The following MECOM variants were observed in gnomAD, a reference collection of about 807,000 sequenced individuals.
MECOM encodes histone-lysine N-methyltransferase MECOM.
MECOM carries 13 observed loss-of-function variants against 116.3 expected under a neutral mutation model. The observed-to-expected ratio is 0.11, with a 90% CI of 0.07 to 0.18. The LOEUF (loss-of-function observed/expected upper bound fraction) is 0.18, where lower values mean the gene tolerates loss of function less well. Among genes scored for constraint, MECOM ranks in the 10% least tolerant of loss-of-function variants. The pLI is 1.00. For missense variants in MECOM, 1,299 were observed against 1,509.0 expected (o/e 0.86, Z 2.31); for synonymous variants, 528 against 535.2 (o/e 0.99, Z 0.19).
chr3:169,556,379 T>C (rs770401005), intron 1 of MECOM, among the ~76,000 whole-genome samples: 1 of 152,192 alleles, frequency 6.6e-6, no homozygotes, highest in Non-Finnish European at 1.5e-5. Flanking sequence ...CTGAGAAAGA[T>C]ACTTGAATGA....
At chr3:169,535,923 A>G (rs1759296966) in intron 1 of MECOM, among the ~76,000 whole-genome samples, 1 of 152,212 alleles carries the variant, frequency 6.6e-6, no homozygotes, top group Non-Finnish European at 1.5e-5. Flanking sequence ...GAGATCATAT[A>G]TGTCAAATAT....
chr3:169,178,396 T>C (rs1428012865), intron 2 of MECOM, among the ~76,000 whole-genome samples: 1 of 152,176 alleles, frequency 6.6e-6, no homozygotes, highest in African/African-American at 2.4e-5. Flanking sequence ...TGATGTGCCT[T>C]ATCTCCCAAA....
chr3:169,160,705 C>T (rs1160603246), intron 2 of MECOM, among the ~76,000 whole-genome samples: 3 of 151,278 alleles, frequency 2.0e-5, no homozygotes, highest in Non-Finnish European at 4.4e-5. Flanking sequence ...CAAAAAAAGG[C>T]TGAATGCTTG....
At chr3:169,150,013 C>T (rs1397844018) in intron 2 of MECOM, among the ~76,000 whole-genome samples, 7 of 150,422 alleles carry the variant, frequency 4.7e-5, no homozygotes, top group Admixed American at 4.6e-4. Flanking sequence ...CTCTCCCTCC[C>T]CTCTCCCCCA....
At chr3:169,279,375 T>C (rs1446467439) in intron 2 of MECOM, among the ~76,000 whole-genome samples, 2 of 152,056 alleles carry the variant, frequency 1.3e-5, no homozygotes, top group South Asian at 2.1e-4. Context: ...TTCCCCCCAC[T>C]ACACAAAAAA....
intron 1 of MECOM, among the ~76,000 whole-genome samples, chr3:169,430,071 C>T (rs1741362315): frequency 6.6e-6 from 1 of 152,142 alleles, no homozygotes; most frequent in Non-Finnish European, 1.5e-5. Context: ...TCATTGATGC[C>T]TTCCCTGGTA....
chr3:169,352,544 G>C (rs1370248708), intron 2 of MECOM, among the ~76,000 whole-genome samples: 1 of 151,840 alleles, frequency 6.6e-6, no homozygotes, highest in African/African-American at 2.4e-5. Context: ...GGGGGGAAAA[G>C]TATGGCCTTA....
At chr3:169,552,478 T>A (rs1182485958) in intron 1 of MECOM, among the ~76,000 whole-genome samples, 2 of 152,186 alleles carry the variant, frequency 1.3e-5, no homozygotes, top group African/African-American at 4.8e-5. Context: ...ATTCTTTGCA[T>A]GTATTAACTC....
At chr3:169,483,787 A>G (rs1751730999) in intron 1 of MECOM, 11 of 1,611,350 alleles carry the variant, frequency 6.8e-6, no homozygotes, top group South Asian at 3.3e-5. Flanking sequence ...TTCTTCTTCA[A>G]ATATTTTTTG....
rs146907223 is a variant in MECOM at position 169,378,544 on chromosome 3, AAG to A, written c.375+2641_375+2642del. ...AAAGAAAGAAAGAAAGAAAGAAAGA[AAG>A]AAAGAAAGAAAGAAAGAAAGAAAGA... On this transcript the variant is annotated intron_variant, in intron 2 of 16. Coordinates refer to ENST00000651503, the MANE Select transcript of MECOM (RefSeq NM_004991.4). Among the ~76,000 whole-genome samples, 153 of 127,800 alleles carry A rather than the reference AAG, an allele frequency of 1.2e-3. 19 individuals are homozygous for A. Among genetic ancestry groups the A allele is most frequent in the African/African-American group, 1.6e-3 (51 of 32,390 alleles). 83.8% of individuals were successfully genotyped at this position (127,800 alleles called of 152,430 possible). A position where few individuals can be genotyped will look rare whatever the true frequency, so the allele number is the denominator to read the frequency against.
chr3:169,377,256 C>T (rs1731198654), intron 2 of MECOM, among the ~76,000 whole-genome samples: 2 of 152,162 alleles, frequency 1.3e-5, no homozygotes, highest in Admixed American at 6.6e-5. Flanking sequence ...CCATCCAGGA[C>T]ATAGGCATGG....
At chr3:169,552,169 G>C (rs1560423356) in intron 1 of MECOM, among the ~76,000 whole-genome samples, 3 of 146,308 alleles carry the variant, frequency 2.1e-5, no homozygotes, top group Non-Finnish European at 3.0e-5. Flanking sequence ...ACTTTAAAAA[G>C]GTATTTTATG....
intron 2 of MECOM, among the ~76,000 whole-genome samples, chr3:169,298,036 C>T (rs898082041): frequency 1.3e-5 from 2 of 152,112 alleles, no homozygotes; most frequent in African/African-American, 4.8e-5. Context: ...ACATCATCCA[C>T]GGCAATATTA....
chr3:169,400,982 A>T (rs1179057501), intron 1 of MECOM, among the ~76,000 whole-genome samples: 1 of 152,184 alleles, frequency 6.6e-6, no homozygotes, highest in Non-Finnish European at 1.5e-5. Flanking sequence ...AATGGTTCAG[A>T]TGGAAACCCA....
intron 1 of MECOM, among the ~76,000 whole-genome samples, chr3:169,538,414 A>G (rs1759652102): frequency 1.3e-5 from 2 of 152,180 alleles, no homozygotes; most frequent in African/African-American, 4.8e-5. Flanking sequence ...TTTATTGTTC[A>G]TAAATGGCAG....
chr3:169,352,370 A>G (rs1422150596), intron 2 of MECOM, among the ~76,000 whole-genome samples: 8 of 151,936 alleles, frequency 5.3e-5, no homozygotes, highest in African/African-American at 1.9e-4. Flanking sequence ...CTAGGTATCT[A>G]CAAGTGGGAG....
chr3:169,194,011 G>T (rs930476089), intron 2 of MECOM, among the ~76,000 whole-genome samples: 3 of 151,862 alleles, frequency 2.0e-5, no homozygotes, highest in Non-Finnish European at 4.4e-5. Flanking sequence ...AATGACAAAT[G>T]ATTACAAAAT....
intron 2 of MECOM, among the ~76,000 whole-genome samples, chr3:169,378,189 G>A (rs956190628): frequency 1.3e-5 from 2 of 151,440 alleles, no homozygotes; most frequent in African/African-American, 4.9e-5. Context: ...GGGGGCTAGG[G>A]GAGGGATAAC....
chr3:169,092,859 G>T, intron 14 of MECOM, 99 bp downstream of exon 14: 3 of 1,390,332 alleles, frequency 2.2e-6, no homozygotes, highest in Non-Finnish European at 3.0e-6. Context: ...TTTGGTGACT[G>T]AAGTAATAGT....
Sources: gnomAD v4.1 joint callset for allele counts (sites outside exome capture counted in the v4.1 genomes callset) on GRCh38, gnomAD v4.1.1 for gene constraint, MANE v1.5 for transcripts, NCBI Gene and HGNC (gene_info 2026-07-23, HGNC 2026-07-21) for gene names.